PARVG: variants seen among roughly 807,000 people sequenced by gnomAD.
PARVG encodes the protein parvin gamma.
Under a neutral mutation model 44.4 loss-of-function variants are expected in PARVG, and 36 were observed. That is an observed-to-expected ratio of 0.81 (90% CI 0.62 to 1.07). The LOEUF (loss-of-function observed/expected upper bound fraction) is 1.07, where lower values mean the gene tolerates loss of function less well. Among genes scored for constraint, PARVG ranks in the 50% least tolerant of loss-of-function variants. The pLI is 0.00. For synonymous variants in PARVG, 170 were observed against 174.1 expected, an observed-to-expected ratio of 0.98 and a Z score of 0.19; for missense variants, 407 against 407.4, an observed-to-expected ratio of 1.00 and a Z score of 0.01.
upstream of PARVG, among the ~76,000 whole-genome samples, chr22:44,178,541 A>AT (rs2054339667): frequency 1.3e-5 from 2 of 152,256 alleles, no homozygotes; most frequent in South Asian, 4.1e-4. Context: ...TAAAAATTTA[A>AT]TGTCTAGCAT....
rs549593367 is a variant in PARVG at position 44,198,426 on chromosome 22, C to CTA, written c.712-190_712-189dup. The stretch of plus-strand genomic sequence containing the variant: ...AAGCACTCTTTTCACTGAGCATGTA[C>CTA]TATATACCAGGCAGCCTGAAACCAC... On this transcript the variant is annotated intron_variant, in intron 11 of 13. Transcript: ENST00000444313. Among the ~76,000 whole-genome samples the CTA allele has an allele frequency of 8.5e-5, 13 of 152,326 alleles. No individual in the cohort carries two copies. The East Asian group carries it at 2.5e-3, about 29-fold the overall frequency.
intron 11 of PARVG, among the ~76,000 whole-genome samples, chr22:44,197,827 TG>T (rs1177051933): frequency 6.6e-6 from 1 of 152,190 alleles, no homozygotes; most frequent in Non-Finnish European, 1.5e-5. Context: ...GTGAGAGATT[TG>T]TAGTTTTATT....
rs753642665 is a variant in PARVG, at chr22:44,205,777, G to A, written c.834G>A (p.Ala278=). 35 of 1,613,520 alleles carry A rather than the reference G, an allele frequency of 2.2e-5. No individual in the cohort carries two copies. Among genetic ancestry groups the A allele is most frequent in the Middle Eastern group, 1.6e-4 (1 of 6,084 alleles). Residue 278 remains alanine (A), a synonymous_variant, in exon 13 of 14, where the codon GCG becomes GCA. Coordinates refer to ENST00000444313, the MANE Select transcript of PARVG (RefSeq NM_022141.7). ...PAEMLHNVTL[A]LELLKDEGLL... Reference sequence around the variant, plus strand: ...CATAGCTGCACAACGTCACCCTGGCGCTGGAGCTGCTGAAGGACGAGGGCC... The same window carrying A: ...CATAGCTGCACAACGTCACCCTGGCACTGGAGCTGCTGAAGGACGAGGGCC...
chr22:44,190,534 C>T lies in PARVG; in HGVS notation c.389-17C>T. 5 of 1,603,168 alleles carry T rather than the reference C, an allele frequency of 3.1e-6. No individual in the cohort carries two copies. Among genetic ancestry groups the T allele is most frequent in the Non-Finnish European group, 4.3e-6 (5 of 1,169,980 alleles). On this transcript the variant is annotated splice_polypyrimidine_tract_variant and intron_variant, in intron 6 of 13. Coordinates refer to ENST00000444313, the MANE Select transcript of PARVG (RefSeq NM_022141.7). ...GGCGGCCTCCTGGGCTCTGACCTGT[C>T]TCCACTCTCTTCCCAGGCATCTTCA...
intron 12 of PARVG, among the ~76,000 whole-genome samples, chr22:44,198,925 C>CCCACCCACCCATCCCCCCACCCACCCAT (rs1569186384): frequency 2.2e-5 from 1 of 46,248 alleles, no homozygotes; most frequent in African/African-American, 6.7e-5. Flanking sequence ...CATCCATCTA[C>CCCACCCACCCATCCCCCCACCCACCCAT]CCATCCATCC....
Position 44,182,009 on chromosome 22 carries a change from G to T in PARVG, c.-13+92G>T. 2 of 966,474 alleles carry T rather than the reference G, an allele frequency of 2.1e-6. No homozygotes were observed. Among genetic ancestry groups the T allele is most frequent in the Non-Finnish European group, 2.5e-6 (2 of 812,636 alleles). 59.9% of individuals were successfully genotyped at this position (966,474 alleles called of 1,614,324 possible). On this transcript the variant is annotated intron_variant, in intron 2 of 13. Transcript: ENST00000444313. This position sits in a 1 kb window ranked among gnomAD's most constrained non-coding sequence, Gnocchi z 4.6. The stretch of plus-strand genomic sequence containing the variant: ...CACCTGGGAAGGATCCCAGAGTGCA[G>T]TCCCAGCCCAGGCCACCCGGGGAAG...
chr22:44,187,408 C>T (rs1360820627), intron 4 of PARVG: 6 of 302,824 alleles, frequency 2.0e-5, no homozygotes. Context: ...ACCACCTCTT[C>T]AGGGCAATCT....
At chr22:44,183,288 G>C in intron 2 of PARVG, 30 bp from the exon 3 acceptor site, 1 of 1,575,148 alleles carries the variant, frequency 6.3e-7, no homozygotes, top group South Asian at 1.2e-5. Flanking sequence ...TTCTCAGACC[G>C]TGACGCCCTC....
At chr22:44,192,731 C>G (rs1044432224) in intron 8 of PARVG, among the ~76,000 whole-genome samples, 2 of 145,932 alleles carry the variant, frequency 1.4e-5, no homozygotes, top group African/African-American at 5.1e-5. Flanking sequence ...TCCCTGCCCA[C>G]CGGGGGTGTG....
chr22:44,206,534 G>T lies in PARVG; in HGVS notation c.*108G>T, dbSNP rs919855330. On this transcript the variant is annotated 3_prime_UTR_variant, in exon 14 of 14. Coordinates refer to ENST00000444313, the MANE Select transcript of PARVG (RefSeq NM_022141.7). ...GCTGTTTCCTGTGCATTCGTGACCC[G>T]CTTCCCTCCCACCCTGTCTCCTGTC... is the stretch of plus-strand genomic sequence containing the variant. The T allele has an allele frequency of 1.1e-6, 1 of 924,962 alleles. No homozygotes were observed. The highest frequency in any genetic ancestry group is 1.7e-6 in the Non-Finnish European group (1 of 576,446). 57.3% of individuals were successfully genotyped at this position (924,962 alleles called of 1,614,324 possible). A position where few individuals can be genotyped will look rare whatever the true frequency, so the allele number is the denominator to read the frequency against.
At chr22:44,202,678 C>T (rs2054725733) in intron 12 of PARVG, among the ~76,000 whole-genome samples, 1 of 152,244 alleles carries the variant, frequency 6.6e-6, no homozygotes, top group Non-Finnish European at 1.5e-5. Flanking sequence ...AAGAGGTCGT[C>T]AGCTGAGGAG....
At chr22:44,193,095 A>G (rs1033778404) in intron 8 of PARVG, among the ~76,000 whole-genome samples, 2 of 152,188 alleles carry the variant, frequency 1.3e-5, no homozygotes, top group African/African-American at 4.8e-5. Context: ...TCTCTGTCAC[A>G]GGCTGCTGGG....
At chr22:44,194,139 C>G (rs1486091419) in intron 9 of PARVG, among the ~76,000 whole-genome samples, 2 of 152,210 alleles carry the variant, frequency 1.3e-5, no homozygotes, top group African/African-American at 4.8e-5. Context: ...CACTCATTAG[C>G]CACTTAAGTT....
intron 1 of PARVG, 22 bp from the exon 2 acceptor site, chr22:44,181,720 C>T: frequency 2.0e-6 from 2 of 985,258 alleles, no homozygotes; most frequent in Non-Finnish European, 2.4e-6. Context: ...ACGGCATCCA[C>T]CCCCCTCGGG....
Position 44,181,111 on chromosome 22 carries a change from G to C in PARVG, c.-263G>C, listed in dbSNP as rs750599255. ...CCATTCTCCTCTGGAAAGCCTTCCC[G>C]ATCCCCTTGGCAACAACCACCACCA... On this transcript the variant is annotated 5_prime_UTR_variant, in exon 1 of 14. Transcript: ENST00000444313. 2 of 537,326 alleles carry C rather than the reference G, an allele frequency of 3.7e-6. No homozygotes were observed. Among genetic ancestry groups the C allele is most frequent in the African/African-American group, 2.1e-5 (1 of 48,532 alleles). 33.3% of individuals were successfully genotyped at this position (537,326 alleles called of 1,614,324 possible).
chr22:44,173,775 G>C (rs1323486497), intron 1 of PARVG, among the ~76,000 whole-genome samples: 1 of 152,198 alleles, frequency 6.6e-6, no homozygotes, highest in Admixed American at 6.5e-5. Context: ...GCAATGTCTG[G>C]AGACAGTTTG....
chr22:44,186,509 G>T, intron 4 of PARVG: 1 of 468,344 alleles, frequency 2.1e-6, no homozygotes. Context: ...CAGAGGCTTT[G>T]TGGGCCATTT....
At chr22:44,191,788 T>G (rs1241720948) in intron 7 of PARVG, among the ~76,000 whole-genome samples, 1 of 152,178 alleles carries the variant, frequency 6.6e-6, no homozygotes, top group Admixed American at 6.5e-5. Context: ...CAGAAGTGAC[T>G]TCATTGATTC....
intron 12 of PARVG, among the ~76,000 whole-genome samples, chr22:44,205,160 C>A (rs1369529905): frequency 6.6e-6 from 1 of 152,220 alleles, no homozygotes; most frequent in Non-Finnish European, 1.5e-5. Context: ...AGGACAGCCA[C>A]CTGGGTGGGG....
Sources: gnomAD v4.1 joint callset for allele counts (sites outside exome capture counted in the v4.1 genomes callset) on GRCh38, gnomAD v4.1.1 for gene constraint, Gnocchi (gnomAD v3.1) non-coding constraint, MANE v1.5 for transcripts, NCBI Gene and HGNC (gene_info 2026-07-23, HGNC 2026-07-21) for gene names.